The following ABLIM1 variants were observed in gnomAD, a reference collection of about 807,000 sequenced individuals.
ABLIM1 encodes actin binding LIM protein 1.
Under a neutral mutation model 107.0 loss-of-function variants are expected in ABLIM1, and 40 were observed. That is an observed-to-expected ratio of 0.37 (90% confidence interval 0.29 to 0.49). The LOEUF is 0.49. ABLIM1 is among the 20% of genes least tolerant of loss of function. The pLI is 0.97. For missense variants in ABLIM1, 857 were observed against 1,008.5 expected (o/e 0.85, Z 2.04); for synonymous variants, 357 against 357.3 (o/e 1.00, Z 0.01).
intron 6 of ABLIM1, among the ~76,000 whole-genome samples, chr10:114,493,709 C>T (rs1333996302): frequency 1.9e-5 from 2 of 103,146 alleles, no homozygotes; most frequent in South Asian, 3.0e-4. Context: ...ATAAACCCTC[C>T]AATGCAAGAT....
chr10:114,477,117 G>T (rs1330650670), intron 8 of ABLIM1, among the ~76,000 whole-genome samples: 1 of 152,144 alleles, frequency 6.6e-6, no homozygotes, highest in East Asian at 1.9e-4. Flanking sequence ...AGACACTCTA[G>T]GTCCACAGCC....
At chr10:114,631,182 C>G (rs1271620530) in intron 1 of ABLIM1, among the ~76,000 whole-genome samples, 1 of 152,176 alleles carries the variant, frequency 6.6e-6, no homozygotes, top group African/African-American at 2.4e-5. Context: ...TTCACATTTC[C>G]CGGAGAAACA....
chr10:114,769,283 C>T (rs928852035), upstream of ABLIM1, among the ~76,000 whole-genome samples: 11 of 147,280 alleles, frequency 7.5e-5, no homozygotes, highest in East Asian at 2.2e-3. Context: ...GTGGAGGATG[C>T]AGTGAGCCGA....
At chr10:114,547,284 T>G (rs920636323) in intron 5 of ABLIM1, among the ~76,000 whole-genome samples, 3 of 152,296 alleles carry the variant, frequency 2.0e-5, no homozygotes, top group African/African-American at 4.8e-5. Flanking sequence ...TGTGTGTTTT[T>G]GGGGAGCGTC....
chr10:114,658,037 G>A lies in ABLIM1; in HGVS notation c.164C>T (p.Ala55Val). Residue 55 changes from alanine to valine, a missense_variant, in exon 1 of 23, where the codon GCC becomes GTC. Ala to Val is a moderately conservative substitution (Grantham distance 64, BLOSUM62 0). Around this residue, in one of 5 missense-constraint regions of ABLIM1, gnomAD observed 176 missense variants for 173.5 expected, o/e 1.01. Coordinates refer to ENST00000533213, the MANE Select transcript of ABLIM1 (RefSeq NM_002313.7). The stretch of plus-strand genomic sequence containing the variant: ...GAGATACAGCAAATGAGTGATAGTG[G>A]CACGCCTATGAGCGGTGAAGGAGGT... ...SGTSFTAHRR[A>V]TITHLLYLCP... The A allele has an allele frequency of 6.2e-7, 1 of 1,614,170 alleles. No homozygotes were observed. The highest frequency in any genetic ancestry group is 1.1e-5 in the South Asian group (1 of 91,084).
rs2060228318 is a variant in ABLIM1 at position 114,441,744 on chromosome 10, T to C, written c.1976A>G (p.Tyr659Cys). ...PSSKTASLPG[Y>C]GRNGLHRPVS... ...TACCCGGTGAAGCCCATTTCTTCCA[T>C]AGCCAGGGAGAGATGCAGTTTTAGA... Residue 659 changes from tyrosine (Y) to cysteine (C), a missense_variant, in exon 18 of 23, where the codon TAT (tyrosine) becomes TGT (cysteine). Coordinates refer to ENST00000533213, the MANE Select transcript of ABLIM1 (RefSeq NM_002313.7). 1.2e-6 allele frequency: 2 copies of C among 1,614,010 alleles called. No individual in the cohort carries two copies. Among genetic ancestry groups the C allele is most frequent in the African/African-American group, 1.3e-5 (1 of 75,008 alleles).
upstream of ABLIM1, among the ~76,000 whole-genome samples, chr10:114,663,038 C>T (rs1453888446): frequency 6.6e-6 from 1 of 152,210 alleles, no homozygotes; most frequent in South Asian, 2.1e-4. Context: ...AGTTGCTGCC[C>T]ACACATCACA....
At chr10:114,465,974 G>C in intron 11 of ABLIM1, 147 bp from the exon 12 acceptor site, 2 of 950,512 alleles carry the variant, frequency 2.1e-6, no homozygotes, top group Non-Finnish European at 3.0e-6. Flanking sequence ...AATTTTGCAG[G>C]TATTTTATAT....
chr10:114,613,700 A>T, intron 1 of ABLIM1: 1 of 1,323,104 alleles, frequency 7.6e-7, no homozygotes, highest in Non-Finnish European at 1.0e-6. Context: ...AGATGAAAGC[A>T]TGAGACCTGT....
intron 6 of ABLIM1, among the ~76,000 whole-genome samples, chr10:114,518,565 G>T (rs768013438): frequency 6.6e-6 from 1 of 151,902 alleles, no homozygotes; most frequent in Non-Finnish European, 1.5e-5. Context: ...CTGATACCAA[G>T]ATTGGCAGCC....
chr10:114,635,737 G>T (rs1479251100), intron 1 of ABLIM1, among the ~76,000 whole-genome samples: 1 of 152,328 alleles, frequency 6.6e-6, no homozygotes, highest in South Asian at 2.1e-4. Context: ...GGCCAGGCTG[G>T]TTTCGAACTC....
At chr10:114,468,867 T>C (rs548745500) in intron 10 of ABLIM1, among the ~76,000 whole-genome samples, 11 of 151,612 alleles carry the variant, frequency 7.3e-5, no homozygotes, top group Middle Eastern at 3.4e-3. Context: ...CTGGCTAACA[T>C]GGTGAAACCC....
chr10:114,607,763 T>TA (rs2076525058), intron 1 of ABLIM1, among the ~76,000 whole-genome samples: 2 of 151,990 alleles, frequency 1.3e-5, no homozygotes, highest in African/African-American at 4.8e-5. Context: ...GTAAAGATCA[T>TA]AAAAAACAAA....
chr10:114,759,374 C>A (rs1196244872), intron 1 of ABLIM1, among the ~76,000 whole-genome samples: 1 of 151,962 alleles, frequency 6.6e-6, no homozygotes, highest in East Asian at 1.9e-4. Context: ...CTATATTAAC[C>A]GGAAAAAATA....
rs767852021 is a variant in ABLIM1, at chr10:114,684,287, A to G, written c.64+3T>C. 6.2e-6 allele frequency: 10 copies of G among 1,613,550 alleles called. No homozygotes were observed. In the East Asian group the frequency reaches 1.6e-4, roughly 25 times the overall value. ...GCTGACTTTACAAAATGGACGGTCT[A>G]ACCTTTGTAGTCTCCCATGGTGTGA... On this transcript the variant is annotated splice_donor_region_variant and intron_variant, in intron 1 of 23. Coordinates refer to the ABLIM1 transcript ENST00000369256.
intron 1 of ABLIM1, chr10:114,632,076 C>A: frequency 1.0e-6 from 1 of 985,314 alleles, no homozygotes; most frequent in Non-Finnish European, 1.2e-6. Flanking sequence ...TCGAGTCCCG[C>A]CCCGCCTCGG....
Position 114,445,321 on chromosome 10 carries a change from T to C in ABLIM1, c.1818A>G (p.Gln606=), listed in dbSNP as rs1177666768. The stretch of plus-strand genomic sequence containing the variant: ...TAGTTTAAGGACAAACCTTCATTAA[T>C]TGCTCTTCTTGAAGCTGCCGACGTC... ...LLRRRQLQEE[Q]LMKLNSGLGQ... The change falls in exon 16 of 23, where the codon CAA becomes CAG. Residue 606 remains glutamine, a synonymous_variant. Transcript: ENST00000533213. 3 of 1,613,898 alleles carry C rather than the reference T, an allele frequency of 1.9e-6. No homozygotes were observed. Among genetic ancestry groups the C allele is most frequent in the Non-Finnish European group, 2.5e-6 (3 of 1,179,896 alleles).
At chr10:114,589,661 GC>G (rs957868604) in intron 2 of ABLIM1, among the ~76,000 whole-genome samples, 62 of 152,248 alleles carry the variant, frequency 4.1e-4, no homozygotes, top group African/African-American at 1.5e-3. Context: ...TCCTGCCTCA[GC>G]CTCCTGAGTA....
chr10:114,444,631 C>T (rs76202992), intron 16 of ABLIM1, among the ~76,000 whole-genome samples: 229 of 152,094 alleles, frequency 1.5e-3, no homozygotes, highest in African/African-American at 4.9e-3. Context: ...TTATATCTAT[C>T]TAGTATTTTT....
Sources: allele counts gnomAD v4.1 joint callset (sites outside exome capture counted in the v4.1 genomes callset), GRCh38; gene constraint gnomAD v4.1.1; regional missense constraint gnomAD v4.1.1; transcripts MANE v1.5; gene names NCBI Gene and HGNC (gene_info 2026-07-23, HGNC 2026-07-21).